Variants in HS6ST3 observed in about 807,000 individuals in gnomAD.
HS6ST3 encodes the protein heparan sulfate 6-O-sulfotransferase 3.
In HS6ST3, 12 loss-of-function variants were observed where a neutral mutation model predicts 36.7. The observed-to-expected ratio is 0.33, with a 90% CI of 0.21 to 0.53. HS6ST3 has a LOEUF of 0.53. Ranked by LOEUF, HS6ST3 falls within the 20% of genes least tolerant of loss-of-function variation. The pLI, the probability that HS6ST3 is intolerant of heterozygous loss-of-function variation, is 0.95. For missense variants in HS6ST3, 584 were observed against 640.9 expected (o/e 0.91, Z 0.96); for synonymous variants, 240 against 257.5 (o/e 0.93, Z 0.65).
intron 1 of HS6ST3, among the ~76,000 whole-genome samples, chr13:96,106,664 A>G (rs2053843177): frequency 1.3e-5 from 2 of 152,244 alleles, no homozygotes; most frequent in African/African-American, 4.8e-5. Flanking sequence ...ACCAAAATGA[A>G]GGCAGCGTAT....
At chr13:96,278,058 A>G (rs1447178319) in intron 1 of HS6ST3, among the ~76,000 whole-genome samples, 1 of 152,226 alleles carries the variant, frequency 6.6e-6, no homozygotes, top group African/African-American at 2.4e-5. Context: ...CATGGCTGAC[A>G]TGGCTAACCT....
At chr13:96,325,859 T>C (rs1355402454) in intron 1 of HS6ST3, among the ~76,000 whole-genome samples, 3 of 152,222 alleles carry the variant, frequency 2.0e-5, no homozygotes, top group African/African-American at 4.8e-5. Flanking sequence ...TAAGTAGTGG[T>C]TTTGTGTGTT....
chr13:96,514,032 G>A (rs1335285588), intron 1 of HS6ST3, among the ~76,000 whole-genome samples: 1 of 152,100 alleles, frequency 6.6e-6, no homozygotes, highest in Non-Finnish European at 1.5e-5. Context: ...GAGCCTGACC[G>A]TGAGCCTTGC....
At chr13:96,372,801 A>G (rs1349519852) in intron 1 of HS6ST3, among the ~76,000 whole-genome samples, 2 of 152,142 alleles carry the variant, frequency 1.3e-5, no homozygotes, top group Non-Finnish European at 2.9e-5. Flanking sequence ...TTGCTTGATC[A>G]GTTCTGCTAC....
intron 1 of HS6ST3, among the ~76,000 whole-genome samples, chr13:96,804,458 T>G (rs1461044934): frequency 1.3e-5 from 2 of 152,178 alleles, no homozygotes; most frequent in Non-Finnish European, 2.9e-5. Flanking sequence ...AAGGGCTCTG[T>G]GTCTGGCTGC....
intron 1 of HS6ST3, among the ~76,000 whole-genome samples, chr13:96,485,937 A>G (rs1293465866): frequency 6.6e-6 from 1 of 152,032 alleles, no homozygotes; most frequent in African/African-American, 2.4e-5. Flanking sequence ...ATATGTATAC[A>G]TGTGCCATGT....
chr13:96,581,192 G>T (rs1234802017), intron 1 of HS6ST3, among the ~76,000 whole-genome samples: 1 of 151,486 alleles, frequency 6.6e-6, no homozygotes, highest in Non-Finnish European at 1.5e-5. Flanking sequence ...CAAATAGATT[G>T]CAGAACAGTC....
intron 1 of HS6ST3, among the ~76,000 whole-genome samples, chr13:96,751,620 A>G (rs1876702241): frequency 6.6e-6 from 1 of 152,132 alleles, no homozygotes; most frequent in Non-Finnish European, 1.5e-5. Flanking sequence ...AAATGAATAC[A>G]TTTTTAAATA....
chr13:96,602,107 A>C (rs561832524), intron 1 of HS6ST3, among the ~76,000 whole-genome samples: 1 of 152,234 alleles, frequency 6.6e-6, no homozygotes, highest in East Asian at 1.9e-4. Flanking sequence ...ACAGGTAAAA[A>C]CCAGCTGTGG....
At chr13:96,457,054 T>C (rs1285781673) in intron 1 of HS6ST3, among the ~76,000 whole-genome samples, 1 of 152,142 alleles carries the variant, frequency 6.6e-6, no homozygotes, top group Non-Finnish European at 1.5e-5. Context: ...GTAAAAAATA[T>C]TGATCTATAT....
chr13:96,316,929 A>G (rs979854863), intron 1 of HS6ST3, among the ~76,000 whole-genome samples: 8 of 152,194 alleles, frequency 5.3e-5, no homozygotes, highest in Non-Finnish European at 4.4e-5. Flanking sequence ...AGCGCCTTCC[A>G]CACTGAAAAT....
At chr13:96,376,332 T>A (rs2055314696) in intron 1 of HS6ST3, among the ~76,000 whole-genome samples, 1 of 152,216 alleles carries the variant, frequency 6.6e-6, no homozygotes, top group African/African-American at 2.4e-5. Context: ...ATAAACCCCA[T>A]ATCATTGTAG....
chr13:96,738,855 A>C (rs1206926750), intron 1 of HS6ST3, among the ~76,000 whole-genome samples: 1 of 151,682 alleles, frequency 6.6e-6, no homozygotes, highest in Non-Finnish European at 1.5e-5. Context: ...CTTTTTCTTG[A>C]CTCTCTTTTA....
At chr13:96,641,484 A>G (rs1308022097) in intron 1 of HS6ST3, among the ~76,000 whole-genome samples, 3 of 151,816 alleles carry the variant, frequency 2.0e-5, no homozygotes, top group Non-Finnish European at 1.5e-5. Flanking sequence ...CTTAATTGAA[A>G]CATTCACTCC....
intron 1 of HS6ST3, among the ~76,000 whole-genome samples, chr13:96,407,569 A>C (rs548939436): frequency 1.5e-4 from 23 of 152,308 alleles, no homozygotes; most frequent in Non-Finnish European, 2.5e-4. Context: ...ATACTTTCTT[A>C]AATGTGTCCC....
At chr13:96,409,307 A>T (rs979231) in intron 1 of HS6ST3, among the ~76,000 whole-genome samples, 1 of 152,022 alleles carries the variant, frequency 6.6e-6, no homozygotes, top group South Asian at 2.1e-4. Context: ...TATAGCAAGG[A>T]CTAATGAATA....
chr13:96,362,693 C>T (rs1266771153), intron 1 of HS6ST3, among the ~76,000 whole-genome samples: 4 of 152,144 alleles, frequency 2.6e-5, no homozygotes, highest in East Asian at 3.8e-4. Flanking sequence ...CATGCAAAAA[C>T]CTGCACATGA....
chr13:96,383,114 C>T (rs2055349339), intron 1 of HS6ST3, among the ~76,000 whole-genome samples: 1 of 152,118 alleles, frequency 6.6e-6, no homozygotes, highest in Non-Finnish European at 1.5e-5. Context: ...AAAAATTCGT[C>T]AGTTATATAG....
At chr13:96,346,558 G>T (rs2055156047) in intron 1 of HS6ST3, among the ~76,000 whole-genome samples, 1 of 139,218 alleles carries the variant, frequency 7.2e-6, no homozygotes, top group African/African-American at 2.6e-5. Context: ...CTGGGCGACA[G>T]AGAGACTCCG....
Sources: allele counts gnomAD v4.1 joint callset (sites outside exome capture counted in the v4.1 genomes callset), GRCh38; gene constraint gnomAD v4.1.1; transcripts MANE v1.5; gene names NCBI Gene and HGNC (gene_info 2026-07-23, HGNC 2026-07-21).